Variants in PACS1 observed in about 807,000 individuals in gnomAD.
The protein encoded by PACS1 is phosphofurin acidic cluster sorting protein 1.
PACS1 carries 24 observed loss-of-function variants against 115.0 expected under a neutral mutation model. That is an observed-to-expected ratio of 0.21 (90% CI 0.15 to 0.29). The LOEUF is 0.29. Among genes scored for constraint, PACS1 ranks in the 10% least tolerant of loss-of-function variants. The pLI is 1.00. For synonymous variants in PACS1, 453 were observed against 504.5 expected (o/e 0.90, Z 1.37); for missense variants, 838 against 1,251.2 (o/e 0.67, Z 4.98).
At position 66,105,312 on chromosome 11, in the gene PACS1, A is replaced by T. The variant is rs573870729; in HGVS notation, c.356+34470A>T. On this transcript the variant is annotated intron_variant, in intron 1 of 23. Coordinates refer to ENST00000320580, the MANE Select transcript of PACS1 (RefSeq NM_018026.4). ...GTGGTGCATGCCCATAATCCCAGCT[A>T]CTCCAGAGGCTGAGGAGGGAAAATC... 9.2e-5 allele frequency among the ~76,000 whole-genome samples: 14 copies of T among 152,078 alleles called. No individual in the cohort carries two copies. In the East Asian group the frequency reaches 2.5e-3, roughly 27 times the overall value.
At chr11:66,210,054 AG>A (rs1855034924) in intron 2 of PACS1, among the ~76,000 whole-genome samples, 1 of 151,466 alleles carries the variant, frequency 6.6e-6, no homozygotes, top group South Asian at 2.1e-4. Context: ...TATTTGAGAC[AG>A]GGTCTCTCTC....
rs751654342 is a variant in PACS1 at position 66,239,231 on chromosome 11, A to C, written c.2383A>C (p.Thr795Pro). ...SSGLSRDATA[T>P]PPSSPSMSSA... is the part of the protein sequence containing the mutation. ...GGGCCTGAGCCGAGACGCCACGGCC[A>C]CCCCTCCCTCCTCCCCATCTATGAG... Residue 795 changes from threonine to proline, a missense_variant, in exon 21 of 24, where the codon ACC becomes CCC. Thr to Pro is a conservative substitution (Grantham distance 38). This residue lies in a region of PACS1 where 383 missense variants were observed against 537.0 expected (regional missense o/e 0.71). Transcript: ENST00000320580. 16 of 1,613,284 alleles carry C rather than the reference A, an allele frequency of 9.9e-6. No individual in the cohort carries two copies. Among genetic ancestry groups the C allele is most frequent in the Non-Finnish European group, 1.3e-5 (15 of 1,179,826 alleles).
intron 1 of PACS1, among the ~76,000 whole-genome samples, chr11:66,097,169 C>G (rs1174511177): frequency 1.3e-5 from 2 of 152,152 alleles, no homozygotes; most frequent in African/African-American, 2.4e-5. Flanking sequence ...ATGATAAATA[C>G]CCCCTGGTAT....
intron 1 of PACS1, among the ~76,000 whole-genome samples, chr11:66,115,660 G>A (rs1332635601): frequency 6.6e-6 from 1 of 152,198 alleles, no homozygotes; most frequent in Middle Eastern, 3.2e-3. Flanking sequence ...ATTTGTCTTA[G>A]CTACCCAAGA....
At chr11:66,081,142 A>G (rs1474483334) in intron 1 of PACS1, among the ~76,000 whole-genome samples, 1 of 152,050 alleles carries the variant, frequency 6.6e-6, no homozygotes, top group African/African-American at 2.4e-5. Context: ...CTGAGGCTGG[A>G]GGATTGTGTG....
intron 11 of PACS1, among the ~76,000 whole-genome samples, chr11:66,229,535 C>T (rs560021060): frequency 4.0e-5 from 6 of 151,788 alleles, no homozygotes; most frequent in East Asian, 3.9e-4. Flanking sequence ...AAAAATAAGC[C>T]GGGCGTGGTG....
intron 1 of PACS1, among the ~76,000 whole-genome samples, chr11:66,088,770 T>C (rs1455016540): frequency 6.6e-6 from 1 of 152,244 alleles, no homozygotes; most frequent in African/African-American, 2.4e-5. Flanking sequence ...CTTTTCAGTT[T>C]CCTTAAAAAC....
In PACS1 at chr11:66,088,330, A is replaced by C. The variant is rs72934622; in HGVS notation, c.356+17488A>C. Among the ~76,000 whole-genome samples the C allele has an allele frequency of 7.8e-3, 1,186 of 152,108 alleles. 7 individuals carry two copies. Among genetic ancestry groups the C allele is most frequent in the Non-Finnish European group, 0.011 (766 of 67,992 alleles). ...TTTTCTATTTAAGAAATCTTTGCCTACTCTAAGATCATGAAGATGTCCTCT... is the reference window on the plus strand; with the variant it reads ...TTTTCTATTTAAGAAATCTTTGCCTCCTCTAAGATCATGAAGATGTCCTCT... On this transcript the variant is annotated intron_variant, in intron 1 of 23. Coordinates refer to ENST00000320580, the MANE Select transcript of PACS1 (RefSeq NM_018026.4).
chr11:66,099,973 TG>T (rs1480825572), intron 1 of PACS1, among the ~76,000 whole-genome samples: 2 of 152,064 alleles, frequency 1.3e-5, no homozygotes, highest in African/African-American at 4.8e-5. Flanking sequence ...CTCCGCCTCC[TG>T]GGTTCAAGCA....
chr11:66,077,334 G>A (rs375419410), intron 1 of PACS1, among the ~76,000 whole-genome samples: 6 of 152,298 alleles, frequency 3.9e-5, no homozygotes, highest in East Asian at 1.9e-4. Flanking sequence ...AGGCTGAGGC[G>A]GAAGGGTCAC....
chr11:66,166,133 A>C (rs1222230341), intron 1 of PACS1, among the ~76,000 whole-genome samples: 1 of 132,748 alleles, frequency 7.5e-6, no homozygotes, highest in African/African-American at 2.7e-5. Flanking sequence ...CTCTGACCTC[A>C]CATCTTTTTG....
chr11:66,134,213 A>G (rs1229275139), intron 1 of PACS1, among the ~76,000 whole-genome samples: 1 of 149,264 alleles, frequency 6.7e-6, no homozygotes. Context: ...AGTTTCAGTA[A>G]CAGGGACTCG....
At chr11:66,200,739 A>C (rs1854769771) in intron 2 of PACS1, among the ~76,000 whole-genome samples, 1 of 152,192 alleles carries the variant, frequency 6.6e-6, no homozygotes, top group Non-Finnish European at 1.5e-5. Flanking sequence ...CATTGGAAAG[A>C]TCATCCAGAC....
chr11:66,167,173 A>G (rs1168720671), intron 1 of PACS1, among the ~76,000 whole-genome samples: 1 of 149,986 alleles, frequency 6.7e-6, no homozygotes, highest in South Asian at 2.1e-4. Flanking sequence ...TATATTTATT[A>G]TCCATTAGTG....
At chr11:66,179,915 G>A (rs1046244662) in intron 1 of PACS1, among the ~76,000 whole-genome samples, 1 of 152,136 alleles carries the variant, frequency 6.6e-6, no homozygotes, top group South Asian at 2.1e-4. Context: ...GCAGTGGCAT[G>A]ATCTCAGCTC....
At chr11:66,092,366 G>A in intron 1 of PACS1, among the ~76,000 whole-genome samples, 1 of 151,822 alleles carries the variant, frequency 6.6e-6, no homozygotes, top group Admixed American at 6.5e-5. Flanking sequence ...TTTTGATGGG[G>A]TTGTTGGTTT....
At chr11:66,124,110 T>C (rs1043362958) in intron 1 of PACS1, among the ~76,000 whole-genome samples, 3 of 152,220 alleles carry the variant, frequency 2.0e-5, no homozygotes, top group African/African-American at 4.8e-5. Context: ...GCCATGGGCA[T>C]TCTAGTGGGA....
At chr11:66,188,525 C>T (rs1242512096) in intron 1 of PACS1, among the ~76,000 whole-genome samples, 2 of 152,190 alleles carry the variant, frequency 1.3e-5, no homozygotes, top group Non-Finnish European at 2.9e-5. Flanking sequence ...TTGGAATTAT[C>T]AGCCTTTATA....
chr11:66,187,112 G>C (rs944204397), intron 1 of PACS1, among the ~76,000 whole-genome samples: 1 of 152,176 alleles, frequency 6.6e-6, no homozygotes, highest in African/African-American at 2.4e-5. Context: ...TCATTCTTCT[G>C]TTGGTGGGTG....
Sources: allele counts gnomAD v4.1 joint callset (sites outside exome capture counted in the v4.1 genomes callset), GRCh38; gene constraint gnomAD v4.1.1; regional missense constraint gnomAD v4.1.1; transcripts MANE v1.5; gene names NCBI Gene and HGNC (gene_info 2026-07-23, HGNC 2026-07-21).